POU6F2: variants seen among roughly 807,000 people sequenced by gnomAD.
POU6F2 encodes the protein POU class 6 homeobox 2.
A neutral mutation model predicts 71.3 loss-of-function variants in POU6F2; 31 were observed. The observed-to-expected ratio is 0.43, with a 90% CI of 0.33 to 0.59. The LOEUF (loss-of-function observed/expected upper bound fraction) is 0.59, where lower values mean the gene tolerates loss of function less well. Ranked by LOEUF, POU6F2 falls within the 20% of genes least tolerant of loss-of-function variation. The pLI is 0.04. For missense variants in POU6F2, 783 were observed against 856.8 expected, an observed-to-expected ratio of 0.91 and a Z score of 1.07; for synonymous variants, 347 against 355.7, an observed-to-expected ratio of 0.98 and a Z score of 0.27.
At chr7:39,232,128 G>A (rs942624425) in intron 4 of POU6F2, among the ~76,000 whole-genome samples, 1 of 152,090 alleles carries the variant, frequency 6.6e-6, no homozygotes, top group East Asian at 1.9e-4. Context: ...GATATAAATT[G>A]ATACAAATAT....
intron 5 of POU6F2, chr7:39,405,131 C>G (rs1449638010): frequency 2.0e-5 from 3 of 152,026 alleles, no homozygotes; most frequent in Admixed American, 2.0e-4. Context: ...TACTGAAGAA[C>G]AGTTGTGTGA....
chr7:39,068,508 A>ATATATATATATATATATATATAT, intron 1 of POU6F2, among the ~76,000 whole-genome samples: 3 of 130,918 alleles, frequency 2.3e-5, no homozygotes, highest in Admixed American at 7.6e-5. Flanking sequence ...TATATATATA[A>ATATATATATATATATATATATAT]TTTTCATAAA....
At chr7:39,239,256 G>A (rs968842812) in intron 4 of POU6F2, among the ~76,000 whole-genome samples, 4 of 152,230 alleles carry the variant, frequency 2.6e-5, no homozygotes, top group African/African-American at 9.6e-5. Context: ...TGTCTTCATA[G>A]TGCCTCAGTT....
At chr7:39,090,951 G>GAA (rs56907116) in intron 2 of POU6F2, among the ~76,000 whole-genome samples, 26 of 148,752 alleles carry the variant, frequency 1.7e-4, no homozygotes, top group African/African-American at 5.0e-4. Flanking sequence ...CTACTTGAGT[G>GAA]AAAAAAAAAA....
At chr7:39,421,893 G>A (rs1006932673) in intron 6 of POU6F2, among the ~76,000 whole-genome samples, 3 of 152,118 alleles carry the variant, frequency 2.0e-5, no homozygotes, top group Non-Finnish European at 2.9e-5. Flanking sequence ...ACTTAATCTG[G>A]CATCAACAGG....
At chr7:39,284,433 A>G (rs756776587) in intron 4 of POU6F2, among the ~76,000 whole-genome samples, 10 of 152,308 alleles carry the variant, frequency 6.6e-5, no homozygotes, top group South Asian at 4.1e-4. Context: ...ATTTTCTCCA[A>G]TGAATGTGCT....
At position 39,236,930 on chromosome 7, in the gene POU6F2, G is replaced by A. The variant is rs76358761; in HGVS notation, c.598+29310G>A. Reference sequence around the variant, plus strand: ...ATCAAACATGAATAGGAAGATCTTGGCTTTTGTGATTTGGTGTATAAGAGA... The same window carrying A: ...ATCAAACATGAATAGGAAGATCTTGACTTTTGTGATTTGGTGTATAAGAGA... On this transcript the variant is annotated intron_variant, in intron 4 of 9. Coordinates refer to ENST00000518318, the MANE Select transcript of POU6F2 (RefSeq NM_001370959.1). Among the ~76,000 whole-genome samples, 231 of 152,266 alleles carry A rather than the reference G, an allele frequency of 1.5e-3. 3 individuals are homozygous for A. The East Asian group carries it at 0.038, about 25-fold the overall frequency.
chr7:39,171,104 A>G (rs1197503424), intron 2 of POU6F2, among the ~76,000 whole-genome samples: 3 of 138,402 alleles, frequency 2.2e-5, no homozygotes, highest in Non-Finnish European at 4.5e-5. Flanking sequence ...TACATATGCC[A>G]TGGTGGTTTG....
At chr7:38,995,231 T>G (rs1788704873) in intron 1 of POU6F2, among the ~76,000 whole-genome samples, 1 of 152,226 alleles carries the variant, frequency 6.6e-6, no homozygotes, top group Non-Finnish European at 1.5e-5. Context: ...TCTTGGAGAA[T>G]GATTAGAATT....
intron 5 of POU6F2, among the ~76,000 whole-genome samples, chr7:39,376,879 G>T (rs879660386): frequency 6.7e-5 from 10 of 149,664 alleles, no homozygotes; most frequent in Non-Finnish European, 1.2e-4. Context: ...TAATATTAGT[G>T]TAGTTTAATA....
chr7:39,201,457 A>G (rs1793900592), intron 2 of POU6F2, among the ~76,000 whole-genome samples: 1 of 152,256 alleles, frequency 6.6e-6, no homozygotes, highest in Non-Finnish European at 1.5e-5. Flanking sequence ...AAGGAATTAT[A>G]TCACTGCTGA....
intron 5 of POU6F2, among the ~76,000 whole-genome samples, chr7:39,341,676 G>T (rs527806712): frequency 6.6e-6 from 1 of 152,142 alleles, no homozygotes; most frequent in Admixed American, 6.5e-5. Context: ...CTTCCTTGAG[G>T]AGTGAAATTA....
At chr7:39,033,872 G>A (rs1790003444) in intron 1 of POU6F2, among the ~76,000 whole-genome samples, 1 of 152,192 alleles carries the variant, frequency 6.6e-6, no homozygotes, top group Non-Finnish European at 1.5e-5. Flanking sequence ...TGTGTAAACA[G>A]CATTTTTCAG....
intron 4 of POU6F2, among the ~76,000 whole-genome samples, chr7:39,257,953 GA>G (rs1351324179): frequency 1.3e-5 from 2 of 152,116 alleles, no homozygotes; most frequent in African/African-American, 4.8e-5. Flanking sequence ...ATTCTTAAAA[GA>G]AAGTACCAGT....
At chr7:39,267,100 C>T (rs1784260404) in intron 4 of POU6F2, among the ~76,000 whole-genome samples, 1 of 152,064 alleles carries the variant, frequency 6.6e-6, no homozygotes. Context: ...GGATGGTGTG[C>T]TTGTTTGAAT....
chr7:39,246,482 C>T (rs78947926), intron 4 of POU6F2, among the ~76,000 whole-genome samples: 10,928 of 152,052 alleles, frequency 0.072, 498 homozygotes, highest in East Asian at 0.13. Flanking sequence ...AAGATGTGAC[C>T]AAGTGGTTAA....
intron 4 of POU6F2, among the ~76,000 whole-genome samples, chr7:39,274,132 A>T (rs1032842487): frequency 6.6e-6 from 1 of 152,188 alleles, no homozygotes; most frequent in African/African-American, 2.4e-5. Context: ...CGTATAAAAA[A>T]TTCTCTTTCA....
At chr7:39,277,863 C>T (rs967174798) in intron 4 of POU6F2, among the ~76,000 whole-genome samples, 6 of 151,984 alleles carry the variant, frequency 3.9e-5, no homozygotes, top group Non-Finnish European at 8.8e-5. Flanking sequence ...TCGAGATCAT[C>T]CTGGGCAACA....
intron 5 of POU6F2, among the ~76,000 whole-genome samples, chr7:39,368,012 C>G (rs1037220817): frequency 6.6e-6 from 1 of 152,146 alleles, no homozygotes; most frequent in African/African-American, 2.4e-5. Context: ...TCTCTTCAGG[C>G]CTCTCTATTC....
Sources: allele counts gnomAD v4.1 joint callset (sites outside exome capture counted in the v4.1 genomes callset), GRCh38; gene constraint gnomAD v4.1.1; transcripts MANE v1.5; gene names NCBI Gene and HGNC (gene_info 2026-07-23, HGNC 2026-07-21).